The following MYH13 variants were observed in gnomAD, a reference collection of about 807,000 sequenced individuals.
MYH13 encodes myosin heavy chain 13, also known as myosin-13.
Under a neutral mutation model 232.1 loss-of-function variants are expected in MYH13, and 177 were observed. The observed-to-expected ratio is 0.76, with a 90% CI of 0.67 to 0.86. The LOEUF is 0.86. Among genes scored for constraint, MYH13 ranks in the 40% least tolerant of loss-of-function variants. The pLI is 0.00. For synonymous variants in MYH13, 884 were observed against 923.5 expected (o/e 0.96, Z 0.78); for missense variants, 2,246 against 2,405.9 (o/e 0.93, Z 1.39).
At chr17:10,311,293 A>G in intron 32 of MYH13, 66 bp from the exon 33 acceptor site, 1 of 1,589,174 alleles carries the variant, frequency 6.3e-7, no homozygotes, top group Non-Finnish European at 8.6e-7. Flanking sequence ...GGCATTTGCC[A>G]GGCAATTCAG....
intron 18 of MYH13, among the ~76,000 whole-genome samples, chr17:10,338,579 G>A (rs544534299): frequency 2.9e-4 from 44 of 151,804 alleles, no homozygotes; most frequent in Non-Finnish European, 5.3e-4. Context: ...GAACCCTCAC[G>A]ACAACCCTCT....
Position 10,331,981 on chromosome 17 carries a change from G to A in MYH13, c.2298+118C>T, listed in dbSNP as rs939511626. ...GACACAGAGCTCCCCTTACCTGGGC[G>A]ACTGGGCAAGGACGGTCAGGTGGAC... On this transcript the variant is annotated intron_variant, in intron 20 of 40. Coordinates refer to ENST00000252172, the MANE Select transcript of MYH13 (RefSeq NM_003802.3). The A allele has an allele frequency of 6.9e-6, 9 of 1,313,678 alleles. No homozygotes were observed. In the Admixed American group the frequency reaches 1.1e-4, roughly 17 times the overall value. 81.4% of individuals were successfully genotyped at this position (1,313,678 alleles called of 1,614,324 possible). A position where few individuals can be genotyped will look rare whatever the true frequency, so the allele number is the denominator to read the frequency against.
intron 18 of MYH13, among the ~76,000 whole-genome samples, chr17:10,336,445 T>G (rs1454316584): frequency 6.6e-6 from 1 of 152,206 alleles, no homozygotes; most frequent in East Asian, 1.9e-4. Flanking sequence ...GCCATGCTTT[T>G]GAAATATGCT....
At chr17:10,324,573 T>C (rs1907129337) in intron 22 of MYH13, among the ~76,000 whole-genome samples, 1 of 151,430 alleles carries the variant, frequency 6.6e-6, no homozygotes, top group Non-Finnish European at 1.5e-5. Flanking sequence ...GCCTCCCGAG[T>C]TGCTGGGATT....
At position 10,330,376 on chromosome 17, in the gene MYH13, G is replaced by T. The variant is rs1907368199; in HGVS notation, c.2435+11C>A. On this transcript the variant is annotated intron_variant, in intron 21 of 40. Coordinates refer to ENST00000252172, the MANE Select transcript of MYH13 (RefSeq NM_003802.3). ...AGGGCAGGATAAGGTGGAGGTGAGG[G>T]TCTGTGTCACCTCCTCTCCATCATC... The T allele has an allele frequency of 6.2e-7, 1 of 1,613,488 alleles. No homozygotes were observed. Among genetic ancestry groups the T allele is most frequent in the East Asian group, 2.2e-5 (1 of 44,864 alleles).
chr17:10,315,718 T>G lies in MYH13; in HGVS notation c.3959A>C (p.Lys1320Thr), dbSNP rs747038495. The change falls in exon 29 of 41, where the codon AAG becomes ACG. Residue 1320 changes from lysine to threonine, a missense_variant. By Grantham distance (78) the Lys-to-Thr change is moderately conservative. Coordinates refer to ENST00000252172, the MANE Select transcript of MYH13 (RefSeq NM_003802.3). ...QALTQQLEEL[K>T]RQMEEETKAK... is the part of the protein sequence containing the mutation. The stretch of plus-strand genomic sequence containing the variant: ...CTTGGTTTCTTCTTCCATTTGCCTC[T>G]TAAGCTCCTCCAGCTGCTGGGTGAG... 2 of 1,614,032 alleles carry G rather than the reference T, an allele frequency of 1.2e-6. No homozygotes were observed. Among genetic ancestry groups the G allele is most frequent in the East Asian group, 4.5e-5 (2 of 44,884 alleles).
In MYH13 at chr17:10,357,610, C is replaced by A. The variant is rs1168276549; in HGVS notation, c.738+125G>T. The A allele has an allele frequency of 6.5e-6, 5 of 770,730 alleles. No homozygotes were observed. The Admixed American group carries it at 1.0e-4, about 16-fold the overall frequency. The allele number at this position is 770,730 out of a possible 1,614,324, so 47.7% of individuals were successfully genotyped here. A position where few individuals can be genotyped will look rare whatever the true frequency, so the allele number is the denominator to read the frequency against. ...CAATATTCCAGGTGGGTAGATTGATCTCAATCACTTGGGGGTAGAAAAAGG... is the reference window on the plus strand; with the variant it reads ...CAATATTCCAGGTGGGTAGATTGATATCAATCACTTGGGGGTAGAAAAAGG... On this transcript the variant is annotated intron_variant, in intron 8 of 40. Coordinates refer to ENST00000252172, the MANE Select transcript of MYH13 (RefSeq NM_003802.3).
chr17:10,355,244 C>A lies in MYH13; in HGVS notation c.739-97G>T. The A allele has an allele frequency of 3.9e-6, 5 of 1,275,180 alleles. No homozygotes were observed. In the Admixed American group the frequency reaches 6.3e-5, roughly 16 times the overall value. The allele number at this position is 1,275,180 out of a possible 1,614,324, so 79.0% of individuals were successfully genotyped here. ...TGCTGCCACAGATAAATTATAAATG[C>A]AAAAATGCTAGAGAACAGAACTGAA... On this transcript the variant is annotated intron_variant, in intron 8 of 40. Coordinates refer to ENST00000252172, the MANE Select transcript of MYH13 (RefSeq NM_003802.3).
In MYH13 at chr17:10,362,292, T is replaced by C; in HGVS notation, c.349-18A>G. On this transcript the variant is annotated intron_variant, in intron 4 of 40. Transcript: ENST00000252172. Reference sequence around the variant, plus strand: ...GAGTAGGTCTGGGAAGATCAGAACATTTATCATTTGGATCTCGTTTTTACT... The same window carrying C: ...GAGTAGGTCTGGGAAGATCAGAACACTTATCATTTGGATCTCGTTTTTACT... The C allele has an allele frequency of 6.2e-7, 1 of 1,613,854 alleles. No homozygotes were observed. Among genetic ancestry groups the C allele is most frequent in the Non-Finnish European group, 8.5e-7 (1 of 1,179,810 alleles).
rs367770148 is a variant in MYH13, at chr17:10,328,031, G to C, written c.2526C>G (p.Pro842=). 1.2e-6 allele frequency: 2 copies of C among 1,614,128 alleles called. No homozygotes were observed. The highest frequency in any genetic ancestry group is 1.7e-6 in the Non-Finnish European group (2 of 1,180,022). ...TCTCGGCCTCTGCACTCTTCAGCAGGGGCTTGATTTTGAAGAACAGGTTCA... is the reference window on the plus strand; with the variant it reads ...TCTCGGCCTCTGCACTCTTCAGCAGCGGCTTGATTTTGAAGAACAGGTTCA... ...PWMNLFFKIK[P]LLKSAEAEKE... is the part of the protein sequence containing the mutation. The change falls in exon 22 of 41, where the codon CCC becomes CCG. Residue 842 remains proline (P), a synonymous_variant. Transcript: ENST00000252172.
At position 10,309,122 on chromosome 17, in the gene MYH13, C is replaced by T. The variant is rs375586402; in HGVS notation, c.5169+112G>A. 18 of 1,148,290 alleles carry T rather than the reference C, an allele frequency of 1.6e-5. No individual in the cohort carries two copies. In the South Asian group the frequency reaches 2.6e-4, roughly 17 times the overall value. 71.1% of individuals were successfully genotyped at this position (1,148,290 alleles called of 1,614,324 possible). A position where few individuals can be genotyped will look rare whatever the true frequency, so the allele number is the denominator to read the frequency against. The stretch of plus-strand genomic sequence containing the variant: ...ACTAGTCTGGGAGAAACCGGGTGCT[C>T]CTTCCCACGGCGTGGGCCCTGAGTG... On this transcript the variant is annotated intron_variant, in intron 35 of 40. Transcript: ENST00000252172.
At chr17:10,350,758 G>T (rs2071703169) in intron 11 of MYH13, 64 bp from the exon 12 acceptor site, 1 of 1,596,272 alleles carries the variant, frequency 6.3e-7, no homozygotes, top group Non-Finnish European at 8.6e-7. Flanking sequence ...GCCTTTTCTT[G>T]GCAAAGACCT....
At chr17:10,351,241 C>G (rs1360303821) in intron 11 of MYH13, among the ~76,000 whole-genome samples, 1 of 75,184 alleles carries the variant, frequency 1.3e-5, no homozygotes, top group Non-Finnish European at 3.3e-5. Context: ...AAAAAGAGAA[C>G]TGATTATGAT....
chr17:10,352,026 G>A (rs1204130936), intron 11 of MYH13, among the ~76,000 whole-genome samples: 1 of 152,152 alleles, frequency 6.6e-6, no homozygotes, highest in East Asian at 1.9e-4. Flanking sequence ...CCGAGGCCAT[G>A]ATGGCCATCC....
In MYH13 at chr17:10,340,418, A is replaced by T. The variant is rs781376089; in HGVS notation, c.1895-17T>A. ...CGGAGTCGCCTGGAGACAGACACAG[A>T]AGAGCGTGTTAGATGCATCCCAGAG... On this transcript the variant is annotated splice_polypyrimidine_tract_variant and intron_variant, in intron 16 of 40. Transcript: ENST00000252172. The T allele has an allele frequency of 6.2e-7, 1 of 1,604,936 alleles. No individual in the cohort carries two copies. Among genetic ancestry groups the T allele is most frequent in the Admixed American group, 1.7e-5 (1 of 59,514 alleles).
In MYH13 at chr17:10,313,345, C is replaced by A; in HGVS notation, c.3994G>T (p.Ala1332Ser). Residue 1332 changes from alanine to serine, a missense_variant, in exon 30 of 41, where the codon GCC becomes TCC. Ala to Ser is a moderately conservative substitution (Grantham distance 99). Coordinates refer to ENST00000252172, the MANE Select transcript of MYH13 (RefSeq NM_003802.3). ...QMEEETKAKN[A>S]MAHALQSSRH... ...GAGGACTGCAGGGCGTGCGCCATGG[C>A]GTTCTTGGCCTGGGAATGACAGCGG... 6.2e-7 allele frequency: 1 copy of A among 1,614,242 alleles called. No homozygotes were observed.
intron 29 of MYH13, among the ~76,000 whole-genome samples, chr17:10,315,349 G>A (rs986944226): frequency 1.3e-5 from 2 of 152,200 alleles, no homozygotes; most frequent in Admixed American, 1.3e-4. Flanking sequence ...CTGGAGTGCA[G>A]TGGCGTGATC....
In MYH13 at chr17:10,315,886, T is replaced by G. The variant is rs1906690858; in HGVS notation, c.3865+13A>C. On this transcript the variant is annotated intron_variant, in intron 28 of 40. Coordinates refer to ENST00000252172, the MANE Select transcript of MYH13 (RefSeq NM_003802.3). ...CATGGCCCGGCTGGACCCAGAGCCCTGCCCATTCTCACCATTTTGGGTCTG... is the reference window on the plus strand; with the variant it reads ...CATGGCCCGGCTGGACCCAGAGCCCGGCCCATTCTCACCATTTTGGGTCTG... The G allele has an allele frequency of 1.2e-6, 2 of 1,614,002 alleles. No homozygotes were observed. The highest frequency in any genetic ancestry group is 1.6e-4 in the Middle Eastern group (1 of 6,062).
At chr17:10,368,172 T>A (rs1353668581) in intron 2 of MYH13, among the ~76,000 whole-genome samples, 4 of 152,226 alleles carry the variant, frequency 2.6e-5, no homozygotes, top group African/African-American at 7.2e-5. Flanking sequence ...ATCACCAGTG[T>A]GATATCATTT....
Sources: gnomAD v4.1 joint callset for allele counts (sites outside exome capture counted in the v4.1 genomes callset) on GRCh38, gnomAD v4.1.1 for gene constraint, MANE v1.5 for transcripts, NCBI Gene and HGNC (gene_info 2026-07-23, HGNC 2026-07-21) for gene names.